Variants in NRG1 observed in about 807,000 individuals in gnomAD.
The protein encoded by NRG1 is neuregulin 1.
A neutral mutation model predicts 63.8 loss-of-function variants in NRG1; 18 were observed. That is an observed-to-expected ratio of 0.28 (90% CI 0.19 to 0.42). The LOEUF is 0.42. NRG1 is among the 10% of genes least tolerant of loss of function. The probability of loss-of-function intolerance (pLI) is 1.00; values close to 1 mark genes in which losing one functional copy is unlikely to be tolerated. For missense variants in NRG1, 762 were observed against 814.7 expected, an observed-to-expected ratio of 0.94 and a Z score of 0.79; for synonymous variants, 302 against 301.3, an observed-to-expected ratio of 1.00 and a Z score of -0.02.
chr8:31,824,547 C>G (rs773326282), intron 1 of NRG1, among the ~76,000 whole-genome samples: 1 of 152,178 alleles, frequency 6.6e-6, no homozygotes, highest in Non-Finnish European at 1.5e-5. Flanking sequence ...GCCCCTACTT[C>G]TGGGTTGGCT....
intron 1 of NRG1, among the ~76,000 whole-genome samples, chr8:32,051,786 G>T (rs1822018262): frequency 1.3e-5 from 2 of 152,088 alleles, no homozygotes; most frequent in East Asian, 1.9e-4. Flanking sequence ...AGGGCAGGGG[G>T]ATTCAAATAA....
At chr8:31,788,982 C>T (rs889464923) in intron 1 of NRG1, among the ~76,000 whole-genome samples, 1 of 152,144 alleles carries the variant, frequency 6.6e-6, no homozygotes, top group Non-Finnish European at 1.5e-5. Context: ...GAGAACTGCC[C>T]ATTATAACCA....
At chr8:32,297,660 G>A (rs971871354) in intron 1 of NRG1, among the ~76,000 whole-genome samples, 1 of 152,152 alleles carries the variant, frequency 6.6e-6, no homozygotes, top group Non-Finnish European at 1.5e-5. Flanking sequence ...GCGAAGTTGG[G>A]TCTTGATCTC....
At chr8:32,593,000 A>G (rs947846520) in intron 1 of NRG1, among the ~76,000 whole-genome samples, 2 of 152,222 alleles carry the variant, frequency 1.3e-5, no homozygotes, top group African/African-American at 4.8e-5. Context: ...TAACATAAAG[A>G]AAATATTACA....
intron 1 of NRG1, among the ~76,000 whole-genome samples, chr8:32,121,959 A>G (rs535124984): frequency 1.3e-5 from 2 of 152,156 alleles, no homozygotes; most frequent in South Asian, 2.1e-4. Flanking sequence ...TTGTTCCTCT[A>G]TAGGCCAGGG....
intron 1 of NRG1, among the ~76,000 whole-genome samples, chr8:32,028,164 A>G (rs1438301743): frequency 6.6e-6 from 1 of 152,168 alleles, no homozygotes; most frequent in Non-Finnish European, 1.5e-5. Flanking sequence ...CTTTAAGAAC[A>G]TGGCTCTCAT....
intron 1 of NRG1, among the ~76,000 whole-genome samples, chr8:32,233,799 G>A (rs897819333): frequency 2.0e-5 from 3 of 151,478 alleles, no homozygotes; most frequent in Non-Finnish European, 4.4e-5. Flanking sequence ...TCTTGATCTC[G>A]TGATCCACCC....
chr8:32,205,687 C>G (rs1843980405), intron 1 of NRG1, among the ~76,000 whole-genome samples: 1 of 152,108 alleles, frequency 6.6e-6, no homozygotes, highest in African/African-American at 2.4e-5. Context: ...GTAAGAGTAG[C>G]ACCGACTTGC....
Position 31,796,414 on chromosome 8 carries a change from C to CTTTTTTTTTTTTTTTTT in NRG1, c.37+157003_37+157019dup, listed in dbSNP as rs1158508289. Among the ~76,000 whole-genome samples the CTTTTTTTTTTTTTTTTT allele has an allele frequency of 1.2e-4, 5 of 43,376 alleles. 1 individual carries two copies. The highest frequency in any genetic ancestry group is 2.0e-4 in the Non-Finnish European group (5 of 24,460). 28.5% of individuals were successfully genotyped at this position (43,376 alleles called of 152,430 possible). A position where few individuals can be genotyped will look rare whatever the true frequency, so the allele number is the denominator to read the frequency against. ...ATAACCAAATAAGATGGCGTATAAT[C>CTTTTTTTTTTTTTTTTT]TTTTTTTTTTTTTTTTTTTTTTTTT... On this transcript the variant is annotated intron_variant, in intron 1 of 10. Coordinates refer to the NRG1 transcript ENST00000519301.
chr8:32,374,076 GA>G (rs1174304228), intron 1 of NRG1, among the ~76,000 whole-genome samples: 1 of 152,042 alleles, frequency 6.6e-6, no homozygotes, highest in African/African-American at 2.4e-5. Flanking sequence ...ACAAGTAAAA[GA>G]AAGGTTGAAA....
intron 1 of NRG1, among the ~76,000 whole-genome samples, chr8:32,159,720 A>G (rs1838616628): frequency 6.6e-6 from 1 of 152,142 alleles, no homozygotes; most frequent in African/African-American, 2.4e-5. Context: ...AAAAAGGCTT[A>G]CATTATTATA....
At chr8:32,764,261 C>G in exon 12 of NRG1, 1 of 1,614,096 alleles carries the variant, frequency 6.2e-7, no homozygotes, top group Non-Finnish European at 8.5e-7. Flanking sequence ...TACAGAACCC[C>G]CTGGCAGCCA....
intron 1 of NRG1, among the ~76,000 whole-genome samples, chr8:32,129,045 C>G (rs540435972): frequency 1.5e-3 from 225 of 152,034 alleles, no homozygotes; most frequent in African/African-American, 5.2e-3. Flanking sequence ...ATTTATGCTC[C>G]CACAATAGTC....
chr8:32,586,449 T>C (rs559776421), intron 1 of NRG1, among the ~76,000 whole-genome samples: 1 of 152,304 alleles, frequency 6.6e-6, no homozygotes, highest in African/African-American at 2.4e-5. Flanking sequence ...TTTTCCCTTG[T>C]AGAATTTTAC....
chr8:31,776,078 C>A (rs1819103837), intron 1 of NRG1, among the ~76,000 whole-genome samples: 1 of 152,116 alleles, frequency 6.6e-6, no homozygotes, highest in Middle Eastern at 3.4e-3. Flanking sequence ...TAGTCTGAAT[C>A]TATAAAGCTG....
In NRG1 at chr8:32,176,719, A is replaced by G. The variant is rs1840777789; in HGVS notation, c.38-419109A>G. Among the ~76,000 whole-genome samples the G allele has an allele frequency of 2.0e-5, 3 of 152,246 alleles. No homozygotes were observed. The South Asian group carries it at 6.2e-4, about 31-fold the overall frequency. The stretch of plus-strand genomic sequence containing the variant: ...AGACATTTATGCAACCAAAAGACAC[A>G]TGAAAAAATGCTCATCATCACTGGC... On this transcript the variant is annotated intron_variant, in intron 1 of 10. Coordinates refer to the NRG1 transcript ENST00000519301.
At chr8:32,334,949 G>C (rs1803074400) in intron 1 of NRG1, among the ~76,000 whole-genome samples, 1 of 152,116 alleles carries the variant, frequency 6.6e-6, no homozygotes, top group Non-Finnish European at 1.5e-5. Flanking sequence ...CACTTTCTTT[G>C]GTGGTCACTT....
intron 1 of NRG1, among the ~76,000 whole-genome samples, chr8:32,257,224 A>G (rs1405134977): frequency 6.6e-6 from 1 of 152,086 alleles, no homozygotes; most frequent in Admixed American, 6.5e-5. Context: ...GCTGGGCTCC[A>G]TGTGGGTGGG....
At chr8:32,492,226 T>A (rs576031118) in intron 1 of NRG1, among the ~76,000 whole-genome samples, 8 of 152,296 alleles carry the variant, frequency 5.3e-5, no homozygotes, top group Admixed American at 4.6e-4. Flanking sequence ...AGGTGGCCAA[T>A]AAATCCTTGT....
Sources: allele counts gnomAD v4.1 joint callset (sites outside exome capture counted in the v4.1 genomes callset), GRCh38; gene constraint gnomAD v4.1.1; transcripts MANE v1.5; gene names NCBI Gene and HGNC (gene_info 2026-07-23, HGNC 2026-07-21).